The following KCNIP4 variants were observed in gnomAD, a reference collection of about 807,000 sequenced individuals.
The protein encoded by KCNIP4 is Kv channel-interacting protein 4.
A neutral mutation model predicts 34.0 loss-of-function variants in KCNIP4; 12 were observed. The observed-to-expected ratio is 0.35, with a 90% CI of 0.23 to 0.57. KCNIP4 has a LOEUF of 0.57. KCNIP4 is among the 20% of genes least tolerant of loss of function. The pLI is 0.83. For synonymous variants in KCNIP4, 124 were observed against 102.2 expected, an observed-to-expected ratio of 1.21 and a Z score of -1.29; for missense variants, 238 against 311.7, an observed-to-expected ratio of 0.76 and a Z score of 1.78.
In KCNIP4 at chr4:21,519,508, G is replaced by A. The variant is rs1261721903; in HGVS notation, c.61+429063C>T. Among the ~76,000 whole-genome samples, 151 of 56,800 alleles carry A rather than the reference G, an allele frequency of 2.7e-3. 20 individuals are homozygous for A. Among genetic ancestry groups the A allele is most frequent in the East Asian group, 0.012 (17 of 1,426 alleles). 37.3% of individuals were successfully genotyped at this position (56,800 alleles called of 152,430 possible). ...TACACATATGTGTGTATGTGTATGT[G>A]TATATACACATATGTGTGTATGTGT... On this transcript the variant is annotated intron_variant, in intron 1 of 8. Transcript: ENST00000382152.
chr4:21,796,376 G>C (rs1308391876), intron 1 of KCNIP4, among the ~76,000 whole-genome samples: 1 of 152,068 alleles, frequency 6.6e-6, no homozygotes, highest in African/African-American at 2.4e-5. Context: ...TCATGGTGTT[G>C]ACTGGAGTGA....
intron 1 of KCNIP4, among the ~76,000 whole-genome samples, chr4:21,376,127 A>C (rs1214995181): frequency 6.6e-6 from 1 of 151,992 alleles, no homozygotes; most frequent in Admixed American, 6.6e-5. Flanking sequence ...TCTTCTGCCT[A>C]AATTATTATT....
At chr4:21,746,045 T>G (rs188543047) in intron 1 of KCNIP4, among the ~76,000 whole-genome samples, 1 of 152,268 alleles carries the variant, frequency 6.6e-6, no homozygotes, top group African/African-American at 2.4e-5. Flanking sequence ...GAGGCCTCTC[T>G]CCTTGGTTTG....
intron 3 of KCNIP4, among the ~76,000 whole-genome samples, chr4:20,786,885 T>A (rs1012915297): frequency 6.6e-6 from 1 of 152,154 alleles, no homozygotes; most frequent in African/African-American, 2.4e-5. Context: ...TCCCTTAACA[T>A]CATAGCATGT....
intron 1 of KCNIP4, among the ~76,000 whole-genome samples, chr4:21,052,307 A>T (rs1216092209): frequency 6.6e-6 from 1 of 152,200 alleles, no homozygotes; most frequent in Non-Finnish European, 1.5e-5. Context: ...TCTAATCTAG[A>T]ATTTGTACAT....
At chr4:20,735,588 G>T (rs1316975230) in intron 5 of KCNIP4, among the ~76,000 whole-genome samples, 2 of 142,072 alleles carry the variant, frequency 1.4e-5, no homozygotes, top group African/African-American at 5.3e-5. Flanking sequence ...GGAGTGCAGT[G>T]GCACAATCTT....
intron 1 of KCNIP4, among the ~76,000 whole-genome samples, chr4:20,963,515 G>T (rs1734057533): frequency 1.3e-5 from 2 of 151,654 alleles, no homozygotes; most frequent in African/African-American, 4.9e-5. Flanking sequence ...ATTTATTAAT[G>T]AACTCCTACA....
rs973415385 is a variant in KCNIP4 at position 21,601,217 on chromosome 4, T to C, written c.61+347354A>G. Among the ~76,000 whole-genome samples, 9 of 152,182 alleles carry C rather than the reference T, an allele frequency of 5.9e-5. No homozygotes were observed. In the South Asian group the frequency reaches 1.0e-3, roughly 18 times the overall value. On this transcript the variant is annotated intron_variant, in intron 1 of 8. Transcript: ENST00000382152. ...ACTATCATCAAACCAAATCTGATTA[T>C]GCCATTGCTTTTCTTTTCTCCTTAA...
chr4:21,632,608 T>C (rs1745844942), intron 1 of KCNIP4, among the ~76,000 whole-genome samples: 1 of 152,218 alleles, frequency 6.6e-6, no homozygotes, highest in Non-Finnish European at 1.5e-5. Flanking sequence ...TCAATAAATA[T>C]CTGTCCCAGG....
intron 1 of KCNIP4, among the ~76,000 whole-genome samples, chr4:20,929,163 C>T (rs2149598040): frequency 6.6e-6 from 1 of 151,662 alleles, no homozygotes; most frequent in Non-Finnish European, 1.5e-5. Context: ...TTCAACATCA[C>T]ATCAAAAAGA....
At chr4:21,664,897 G>T (rs1198617075) in intron 1 of KCNIP4, among the ~76,000 whole-genome samples, 1 of 152,004 alleles carries the variant, frequency 6.6e-6, no homozygotes, top group Non-Finnish European at 1.5e-5. Flanking sequence ...CACAATAGTT[G>T]TTGTGACATG....
At position 20,729,359 on chromosome 4, in the gene KCNIP4, A is replaced by AGATT. The variant is rs1747159056; in HGVS notation, c.*719_*722dup. On this transcript the variant is annotated 3_prime_UTR_variant, in exon 9 of 9. Transcript: ENST00000382152. Reference sequence around the variant, plus strand: ...TACAATAGAAAACAGCCTGTAAGAAAGATTGAACAAATCCAAAATTATTAT... The same window carrying AGATT: ...TACAATAGAAAACAGCCTGTAAGAAAGATTGATTGAACAAATCCAAAATTATTAT... The AGATT allele has an allele frequency of 6.6e-6, 1 of 151,658 alleles. No individual in the cohort carries two copies. Among genetic ancestry groups the AGATT allele is most frequent in the Non-Finnish European group, 1.5e-5 (1 of 67,900 alleles). 9.4% of individuals were successfully genotyped at this position (151,658 alleles called of 1,614,324 possible). A position where few individuals can be genotyped will look rare whatever the true frequency, so the allele number is the denominator to read the frequency against.
intron 6 of KCNIP4, among the ~76,000 whole-genome samples, chr4:20,734,116 G>A (rs988826768): frequency 1.3e-5 from 2 of 152,058 alleles, no homozygotes; most frequent in African/African-American, 2.4e-5. Flanking sequence ...TTTACTTCTC[G>A]CTGTGTTTTA....
At chr4:20,852,499 A>G (rs1324942848) in intron 2 of KCNIP4, among the ~76,000 whole-genome samples, 3 of 152,184 alleles carry the variant, frequency 2.0e-5, no homozygotes, top group Admixed American at 6.5e-5. Context: ...GCCATCTATG[A>G]CACACCCACA....
chr4:21,761,107 T>G (rs2109168882), intron 1 of KCNIP4, among the ~76,000 whole-genome samples: 1 of 152,230 alleles, frequency 6.6e-6, no homozygotes. Context: ...GAACATCCTC[T>G]AATAATTTTT....
At chr4:20,783,121 A>C (rs759980714) in intron 3 of KCNIP4, among the ~76,000 whole-genome samples, 7 of 152,190 alleles carry the variant, frequency 4.6e-5, no homozygotes, top group African/African-American at 7.2e-5. Flanking sequence ...TCTCCTTCTG[A>C]GAACACCTCA....
intron 1 of KCNIP4, among the ~76,000 whole-genome samples, chr4:21,462,780 T>C (rs944034302): frequency 4.6e-4 from 66 of 144,166 alleles, no homozygotes; most frequent in African/African-American, 1.6e-3. Flanking sequence ...TGTGTGTGTG[T>C]GTGTGTGTGT....
intron 1 of KCNIP4, among the ~76,000 whole-genome samples, chr4:21,935,310 G>T (rs1391119210): frequency 6.6e-6 from 1 of 151,986 alleles, no homozygotes; most frequent in African/African-American, 2.4e-5. Context: ...TCAGACAAGA[G>T]GACTCTTCCT....
At chr4:20,974,066 G>C (rs758416254) in intron 1 of KCNIP4, among the ~76,000 whole-genome samples, 1 of 152,080 alleles carries the variant, frequency 6.6e-6, no homozygotes, top group Non-Finnish European at 1.5e-5. Context: ...GCACCAAAAG[G>C]CCTGCTCAGC....
Sources: gnomAD v4.1 joint callset for allele counts (sites outside exome capture counted in the v4.1 genomes callset) on GRCh38, gnomAD v4.1.1 for gene constraint, MANE v1.5 for transcripts, NCBI Gene and HGNC (gene_info 2026-07-23, HGNC 2026-07-21) for gene names.